The following ZNF775 variants were observed in gnomAD, a reference collection of about 807,000 sequenced individuals.
ZNF775 encodes the protein zinc finger protein 775.
Under a neutral mutation model 2.4 loss-of-function variants are expected in ZNF775, and 1 was observed. The ratio of observed to expected loss-of-function variants is 0.41; its 90% CI spans 0.15 to 1.94. The LOEUF is 1.94. ZNF775 is among the 30% of genes most tolerant of loss of function. The probability of loss-of-function intolerance (pLI) is 0.30; values close to 1 mark genes in which losing one functional copy is unlikely to be tolerated. For synonymous variants in ZNF775, 381 were observed against 373.3 expected (o/e 1.02, Z -0.24); for missense variants, 823 against 826.6 (o/e 1.00, Z 0.05).
chr7:150,380,541 G>C (rs1329962739), intron 1 of ZNF775, among the ~76,000 whole-genome samples: 1 of 152,184 alleles, frequency 6.6e-6, no homozygotes, highest in Non-Finnish European at 1.5e-5. Context: ...GGGAAGGGGA[G>C]AACTGAGCAA....
rs1416559821 is a variant in ZNF775 at position 150,397,600 on chromosome 7, G to C, written c.1119G>C (p.Lys373Asn). ...AQAAPCPSCG[K>N]SCRSRAALRA... ...CTGCGCCCTGCCCCAGCTGCGGTAA[G>C]AGCTGCCGCAGCCGCGCCGCGCTGC... Residue 373 changes from lysine to asparagine, a missense_variant, in exon 3 of 3, where the codon AAG (lysine) becomes AAC (asparagine). By Grantham distance (94) the Lys-to-Asn change is moderately conservative. Transcript: ENST00000329630. 4.1e-6 allele frequency: 6 copies of C among 1,450,802 alleles called. No individual in the cohort carries two copies. Among genetic ancestry groups the C allele is most frequent in the Non-Finnish European group, 5.4e-6 (6 of 1,110,066 alleles). 89.9% of individuals were successfully genotyped at this position (1,450,802 alleles called of 1,614,324 possible).
intron 2 of ZNF775, among the ~76,000 whole-genome samples, chr7:150,391,391 A>G (rs1453181015): frequency 3.9e-5 from 6 of 152,102 alleles, no homozygotes; most frequent in African/African-American, 1.2e-4. Flanking sequence ...GCATGCAATC[A>G]CAGCTACTTG....
At chr7:150,386,678 G>C (rs890985951) in intron 1 of ZNF775, among the ~76,000 whole-genome samples, 3 of 152,190 alleles carry the variant, frequency 2.0e-5, no homozygotes, top group Admixed American at 6.5e-5. Flanking sequence ...GTGCATCTCT[G>C]TGGGGCAGCC....
In ZNF775 at chr7:150,397,233, C is replaced by T; in HGVS notation, c.752C>T (p.Ala251Val). The T allele has an allele frequency of 8.4e-7, 1 of 1,185,520 alleles. No homozygotes were observed. Among genetic ancestry groups the T allele is most frequent in the Non-Finnish European group, 1.0e-6 (1 of 955,580 alleles). 73.4% of individuals were successfully genotyped at this position (1,185,520 alleles called of 1,614,324 possible). Residue 251 changes from alanine to valine, a missense_variant, in exon 3 of 3, where the codon GCC (alanine) becomes GTC (valine). Transcript: ENST00000329630. ...CCGCCGCGGGGGCGCCCCGAGTGGG[C>T]CTGGCTGGGGCTCTGCCAGGGCTGG... ...PGPPRGRPEW[A>V]WLGLCQGWWG... is the part of the protein sequence containing the mutation.
rs112838899 is a variant in ZNF775 at position 150,385,479 on chromosome 7, G to A, written c.-49-2943G>A. Among the ~76,000 whole-genome samples, 27 of 52,734 alleles carry A rather than the reference G, an allele frequency of 5.1e-4. 1 individual carries two copies. Among genetic ancestry groups the A allele is most frequent in the East Asian group, 2.8e-3 (8 of 2,828 alleles). The allele number at this position is 52,734 out of a possible 152,430, so 34.6% of individuals were successfully genotyped here. A position where few individuals can be genotyped will look rare whatever the true frequency, so the allele number is the denominator to read the frequency against. ...GGGAGCTCTGAGCCTGCAATACCCC[G>A]AGTGACTGCAAAGACGGGAGCTCTG... is the stretch of plus-strand genomic sequence containing the variant. On this transcript the variant is annotated intron_variant, in intron 1 of 2. Transcript: ENST00000329630.
intron 1 of ZNF775, among the ~76,000 whole-genome samples, chr7:150,386,873 T>C (rs1289567483): frequency 6.6e-6 from 1 of 152,166 alleles, no homozygotes; most frequent in Non-Finnish European, 1.5e-5. Context: ...CTCTGAGCCC[T>C]GCGGATCCAG....
rs56067146 is a variant in ZNF775 at position 150,392,545 on chromosome 7, A to ATCTCTCTCTCTCTCTCTC, written c.32-3944_32-3927dup. ...TTTATTTTCTTTTTTTCCCAAATGGATCTCTCTCTCTCTCTCTCTCTCTCT... is the reference window on the plus strand; with the variant it reads ...TTTATTTTCTTTTTTTCCCAAATGGATCTCTCTCTCTCTCTCTCTCTCTCTCTCTCTCTCTCTCTCTCT... On this transcript the variant is annotated intron_variant, in intron 2 of 2. Transcript: ENST00000329630. Among the ~76,000 whole-genome samples the ATCTCTCTCTCTCTCTCTC allele has an allele frequency of 1.0e-3, 141 of 136,646 alleles. 3 individuals are homozygous for ATCTCTCTCTCTCTCTCTC. Among genetic ancestry groups the ATCTCTCTCTCTCTCTCTC allele is most frequent in the African/African-American group, 4.0e-3 (134 of 33,618 alleles). The allele number at this position is 136,646 out of a possible 152,430, so 89.6% of individuals were successfully genotyped here. A position where few individuals can be genotyped will look rare whatever the true frequency, so the allele number is the denominator to read the frequency against.
chr7:150,394,442 TG>T (rs1364209209), intron 2 of ZNF775, among the ~76,000 whole-genome samples: 1 of 152,240 alleles, frequency 6.6e-6, no homozygotes, highest in Non-Finnish European at 1.5e-5. Flanking sequence ...CGTTTCTCTT[TG>T]TTTTCCCCTC....
At position 150,398,201 on chromosome 7, in the gene ZNF775, G is replaced by C. The variant is rs1444661139; in HGVS notation, c.*106G>C. On this transcript the variant is annotated 3_prime_UTR_variant, in exon 3 of 3. Coordinates refer to ENST00000329630, the MANE Select transcript of ZNF775 (RefSeq NM_173680.4). Reference sequence around the variant, plus strand: ...CTGGCTCTTAGAACCCCTTAGAGCGGGACCGGTGGATTCCTTAAGGCTCTG... The same window carrying C: ...CTGGCTCTTAGAACCCCTTAGAGCGCGACCGGTGGATTCCTTAAGGCTCTG... 6 of 1,461,176 alleles carry C rather than the reference G, an allele frequency of 4.1e-6. No individual in the cohort carries two copies. Among genetic ancestry groups the C allele is most frequent in the Non-Finnish European group, 5.4e-6 (6 of 1,102,430 alleles). 90.5% of individuals were successfully genotyped at this position (1,461,176 alleles called of 1,614,324 possible). A position where few individuals can be genotyped will look rare whatever the true frequency, so the allele number is the denominator to read the frequency against.
intron 2 of ZNF775, among the ~76,000 whole-genome samples, chr7:150,393,903 C>CCTG (rs1800604524): frequency 6.6e-6 from 1 of 152,202 alleles, no homozygotes; most frequent in African/African-American, 2.4e-5. Flanking sequence ...CTCCTAACCT[C>CCTG]AGGTGTTCCA....
intron 1 of ZNF775, among the ~76,000 whole-genome samples, chr7:150,387,641 G>A (rs1373470023): frequency 2.0e-5 from 3 of 152,084 alleles, no homozygotes; most frequent in Non-Finnish European, 1.5e-5. Flanking sequence ...GTGAAACCCC[G>A]TCTCTACTAA....
At chr7:150,381,287 G>A (rs1181224361) in intron 1 of ZNF775, among the ~76,000 whole-genome samples, 1 of 152,064 alleles carries the variant, frequency 6.6e-6, no homozygotes, top group Non-Finnish European at 1.5e-5. Flanking sequence ...ATCATGGCTG[G>A]GGTTGAATTG....
rs780861281 is a variant in ZNF775, at chr7:150,396,555, G to C, written c.74G>C (p.Arg25Pro). The C allele has an allele frequency of 9.3e-6, 15 of 1,604,400 alleles. No individual in the cohort carries two copies. In the African/African-American group the frequency reaches 2.0e-4, roughly 21 times the overall value. ...VMKVKQEKPE[R>P]LLQTLAPQAM... Reference sequence around the variant, plus strand: ...AAGGTCAAGCAGGAGAAGCCGGAGCGGCTGCTGCAGACGCTGGCGCCGCAG... The same window carrying C: ...AAGGTCAAGCAGGAGAAGCCGGAGCCGCTGCTGCAGACGCTGGCGCCGCAG... Residue 25 changes from arginine (R) to proline (P), a missense_variant, in exon 3 of 3, where the codon CGG becomes CCG. Coordinates refer to ENST00000329630, the MANE Select transcript of ZNF775 (RefSeq NM_173680.4).
Position 150,396,504 on chromosome 7 carries a change from C to T in ZNF775, c.32-9C>T. On this transcript the variant is annotated splice_polypyrimidine_tract_variant and intron_variant, in intron 2 of 2. Coordinates refer to ENST00000329630, the MANE Select transcript of ZNF775 (RefSeq NM_173680.4). ...TCTCTCCCTCCTCTCTCCCGCTTGC[C>T]TCTGGCAGGAGCTGGGCTGGTGATG... 6.3e-7 allele frequency: 1 copy of T among 1,581,660 alleles called. No individual in the cohort carries two copies. Among genetic ancestry groups the T allele is most frequent in the Non-Finnish European group, 8.6e-7 (1 of 1,167,316 alleles).
At chr7:150,392,920 C>G (rs887517780) in intron 2 of ZNF775, among the ~76,000 whole-genome samples, 7 of 152,150 alleles carry the variant, frequency 4.6e-5, no homozygotes, top group Non-Finnish European at 1.0e-4. Context: ...CCAGTTTCTC[C>G]TATTATTAAC....
At chr7:150,395,335 T>G (rs1800629570) in intron 2 of ZNF775, among the ~76,000 whole-genome samples, 1 of 152,254 alleles carries the variant, frequency 6.6e-6, no homozygotes, top group Non-Finnish European at 1.5e-5. Flanking sequence ...CCTTTGGGTT[T>G]ATTTTGTTGG....
rs748015774 is a variant in ZNF775, at chr7:150,396,695, C to T, written c.214C>T (p.Pro72Ser). Residue 72 changes from proline (P) to serine (S), a missense_variant, in exon 3 of 3, where the codon CCA becomes TCA. Transcript: ENST00000329630. ...ALGGQEESGS[P>S]RWAPPTEQDA... is the part of the protein sequence containing the mutation. ...GGGGGGACAGGAGGAGTCTGGGAGTCCAAGGTGGGCCCCTCCCACTGAGCA... is the reference window on the plus strand; with the variant it reads ...GGGGGGACAGGAGGAGTCTGGGAGTTCAAGGTGGGCCCCTCCCACTGAGCA... 3 of 1,605,112 alleles carry T rather than the reference C, an allele frequency of 1.9e-6. No individual in the cohort carries two copies. The African/African-American group carries it at 4.0e-5, about 21-fold the overall frequency.
chr7:150,397,073 C>T lies in ZNF775; in HGVS notation c.592C>T (p.Arg198Cys), dbSNP rs1800677404. The T allele has an allele frequency of 1.9e-6, 3 of 1,584,712 alleles. No homozygotes were observed. Among genetic ancestry groups the T allele is most frequent in the Non-Finnish European group, 2.6e-6 (3 of 1,172,592 alleles). The change falls in exon 3 of 3, where the codon CGC becomes TGC. Residue 198 changes from arginine to cysteine, a missense_variant. By Grantham distance (180) the Arg-to-Cys change is radical (BLOSUM62 -3). Coordinates refer to ENST00000329630, the MANE Select transcript of ZNF775 (RefSeq NM_173680.4). ...PATHSCPECERCFRHQVGLRI... is the reference protein window; with the variant it reads ...PATHSCPECECCFRHQVGLRI... ...CACCCACTCGTGCCCCGAGTGCGAGCGCTGCTTCCGTCACCAGGTGGGCCT... is the reference window on the plus strand; with the variant it reads ...CACCCACTCGTGCCCCGAGTGCGAGTGCTGCTTCCGTCACCAGGTGGGCCT...
chr7:150,381,796 G>C (rs1359639030), intron 1 of ZNF775, among the ~76,000 whole-genome samples: 1 of 152,066 alleles, frequency 6.6e-6, no homozygotes, highest in African/African-American at 2.4e-5. Flanking sequence ...CCCCTCCTCT[G>C]TTCCCTCCCC....
Sources: gnomAD v4.1 joint callset for allele counts (sites outside exome capture counted in the v4.1 genomes callset) on GRCh38, gnomAD v4.1.1 for gene constraint, MANE v1.5 for transcripts, NCBI Gene and HGNC (gene_info 2026-07-23, HGNC 2026-07-21) for gene names.